TENM4: variants seen among roughly 807,000 people sequenced by gnomAD.
TENM4 encodes teneurin transmembrane protein 4, also known as teneurin-4.
Under a neutral mutation model 243.3 loss-of-function variants are expected in TENM4, and 82 were observed. The observed-to-expected ratio is 0.34, with a 90% CI of 0.28 to 0.40. The LOEUF (loss-of-function observed/expected upper bound fraction) is 0.40. Ranked by LOEUF, TENM4 falls within the 10% of genes least tolerant of loss-of-function variation. The probability of loss-of-function intolerance (pLI) is 1.00; values close to 1 mark genes in which losing one functional copy is unlikely to be tolerated. For missense variants in TENM4, 3,138 were observed against 3,673.3 expected, an observed-to-expected ratio of 0.85 and a Z score of 3.77; for synonymous variants, 1,412 against 1,456.3, an observed-to-expected ratio of 0.97 and a Z score of 0.69.
chr11:79,143,083 G>A (rs1356050177), intron 4 of TENM4, among the ~76,000 whole-genome samples: 1 of 152,112 alleles, frequency 6.6e-6, no homozygotes. Flanking sequence ...TGGTGGGAGT[G>A]TAAACTAGTT....
intron 6 of TENM4, among the ~76,000 whole-genome samples, chr11:78,967,449 GT>G (rs1178154939): frequency 1.3e-5 from 2 of 152,194 alleles, no homozygotes; most frequent in African/African-American, 2.4e-5. Context: ...TAATTGGGGA[GT>G]CATGGAAATT....
At chr11:79,123,398 C>G (rs1310450763) in intron 4 of TENM4, among the ~76,000 whole-genome samples, 1 of 152,130 alleles carries the variant, frequency 6.6e-6, no homozygotes, top group South Asian at 2.1e-4. Context: ...TAGTCTGGCC[C>G]CAAGGTATAT....
At chr11:79,277,569 G>A (rs1255476257) in intron 2 of TENM4, among the ~76,000 whole-genome samples, 9 of 152,124 alleles carry the variant, frequency 5.9e-5, no homozygotes, top group Non-Finnish European at 1.0e-4. Flanking sequence ...TTCAACACTG[G>A]CAGAAAATCT....
intron 2 of TENM4, among the ~76,000 whole-genome samples, chr11:79,266,478 A>C (rs938268661): frequency 6.6e-6 from 1 of 152,238 alleles, no homozygotes; most frequent in African/African-American, 2.4e-5. Flanking sequence ...GGAATGATAC[A>C]GGCAGGAGGA....
chr11:78,871,320 CTG>C (rs1859121530), intron 9 of TENM4, among the ~76,000 whole-genome samples: 4 of 151,730 alleles, frequency 2.6e-5, no homozygotes, highest in Admixed American at 1.3e-4. Context: ...TTGGTATTTA[CTG>C]ACATGAACTA....
At chr11:79,107,696 T>C (rs554807366) in intron 4 of TENM4, among the ~76,000 whole-genome samples, 1 of 152,378 alleles carries the variant, frequency 6.6e-6, no homozygotes, top group East Asian at 1.9e-4. Context: ...AGTAAGATCA[T>C]AGTCACTTCA....
chr11:79,325,757 G>T (rs1217700211), intron 1 of TENM4, among the ~76,000 whole-genome samples: 1 of 152,184 alleles, frequency 6.6e-6, no homozygotes. Flanking sequence ...CTGGGTCAAA[G>T]ATACAGATGA....
intron 9 of TENM4, among the ~76,000 whole-genome samples, chr11:78,869,867 CTT>C (rs1859079534): frequency 6.6e-6 from 1 of 152,274 alleles, no homozygotes; most frequent in Middle Eastern, 3.4e-3. Context: ...TAGATTTGCT[CTT>C]TTGAGATAGT....
At chr11:79,114,576 T>G (rs1160241831) in intron 4 of TENM4, among the ~76,000 whole-genome samples, 1 of 152,214 alleles carries the variant, frequency 6.6e-6, no homozygotes, top group Non-Finnish European at 1.5e-5. Flanking sequence ...AAGGGCTTCA[T>G]GGGTGTGTGA....
intron 2 of TENM4, among the ~76,000 whole-genome samples, chr11:79,245,816 T>C (rs1855503414): frequency 6.6e-6 from 1 of 151,466 alleles, no homozygotes; most frequent in Admixed American, 6.6e-5. Context: ...GACGGGTACC[T>C]GTAATCCCAG....
chr11:78,664,894 T>A (rs1858115005), intron 32 of TENM4, among the ~76,000 whole-genome samples: 1 of 152,194 alleles, frequency 6.6e-6, no homozygotes, highest in Admixed American at 6.5e-5. Context: ...TGGGCCTTAA[T>A]TACAAGTGAC....
intron 1 of TENM4, among the ~76,000 whole-genome samples, chr11:79,360,419 G>GA (rs1278606658): frequency 3.3e-4 from 51 of 152,296 alleles, no homozygotes; most frequent in Admixed American, 3.1e-3. Flanking sequence ...TGTTGATTCT[G>GA]TTCACATAGG....
At chr11:79,156,130 G>A (rs537205502) in intron 3 of TENM4, among the ~76,000 whole-genome samples, 2 of 152,290 alleles carry the variant, frequency 1.3e-5, no homozygotes, top group African/African-American at 2.4e-5. Flanking sequence ...CTGCCTAGAG[G>A]GAAGACTGGG....
chr11:79,177,203 A>G (rs1863178552), intron 3 of TENM4, among the ~76,000 whole-genome samples: 1 of 152,004 alleles, frequency 6.6e-6, no homozygotes, highest in African/African-American at 2.4e-5. Context: ...CAGTATATAA[A>G]CAGATAGAAG....
chr11:78,996,045 G>A (rs888218382), intron 6 of TENM4, among the ~76,000 whole-genome samples: 4 of 152,282 alleles, frequency 2.6e-5, no homozygotes, highest in Admixed American at 2.0e-4. Flanking sequence ...GAAGAAAGCC[G>A]CAAGGAGGAC....
chr11:79,121,161 T>C (rs1426084875), intron 4 of TENM4, among the ~76,000 whole-genome samples: 1 of 152,078 alleles, frequency 6.6e-6, no homozygotes, highest in Non-Finnish European at 1.5e-5. Flanking sequence ...AGGGCTTTCC[T>C]GTCTTCCATT....
intron 1 of TENM4, among the ~76,000 whole-genome samples, chr11:79,426,842 C>T (rs1377351949): frequency 6.6e-6 from 1 of 152,164 alleles, no homozygotes; most frequent in Non-Finnish European, 1.5e-5. Context: ...AGCAAGGAGG[C>T]AGTTGGATAT....
chr11:79,027,561 C>T (rs1859113132), intron 6 of TENM4, among the ~76,000 whole-genome samples: 1 of 152,218 alleles, frequency 6.6e-6, no homozygotes, highest in Admixed American at 6.5e-5. Context: ...TAGTTTCCTG[C>T]CTTCCCAAAA....
chr11:78,850,021 C>T (rs1036534617), intron 12 of TENM4, among the ~76,000 whole-genome samples: 1 of 151,944 alleles, frequency 6.6e-6, no homozygotes, highest in African/African-American at 2.4e-5. Flanking sequence ...CTGAAAAAAG[C>T]TTCCATGTTT....
Sources: allele counts gnomAD v4.1 joint callset (sites outside exome capture counted in the v4.1 genomes callset), GRCh38; gene constraint gnomAD v4.1.1; transcripts MANE v1.5; gene names NCBI Gene and HGNC (gene_info 2026-07-23, HGNC 2026-07-21).